Variants in PDE11A observed in about 807,000 individuals in gnomAD.
PDE11A encodes the protein dual 3',5'-cyclic-AMP and -GMP phosphodiesterase 11A.
A neutral mutation model predicts 100.5 loss-of-function variants in PDE11A; 100 were observed. The ratio of observed to expected loss-of-function variants is 1.00; its 90% CI spans 0.85 to 1.18. The LOEUF (loss-of-function observed/expected upper bound fraction) is 1.18. Ranked by LOEUF, PDE11A falls within the 50% of genes most tolerant of loss-of-function variation. The pLI is 0.00. For missense variants in PDE11A, 1,141 were observed against 1,152.6 expected, an observed-to-expected ratio of 0.99 and a Z score of 0.15; for synonymous variants, 381 against 420.8, an observed-to-expected ratio of 0.91 and a Z score of 1.16.
chr2:177,797,795 A>C (rs2082726302), intron 9 of PDE11A, among the ~76,000 whole-genome samples: 1 of 152,230 alleles, frequency 6.6e-6, no homozygotes, highest in Non-Finnish European at 1.5e-5. Context: ...AACAGAAAAT[A>C]AAATAAAAAC....
chr2:177,915,729 G>T (rs1200581953), intron 2 of PDE11A, among the ~76,000 whole-genome samples: 1 of 152,204 alleles, frequency 6.6e-6, no homozygotes, highest in Non-Finnish European at 1.5e-5. Context: ...GCAATTGCTG[G>T]ATTGCATGGT....
intron 6 of PDE11A, among the ~76,000 whole-genome samples, chr2:177,823,987 A>G (rs1407265979): frequency 1.3e-5 from 2 of 152,222 alleles, no homozygotes; most frequent in African/African-American, 4.8e-5. Flanking sequence ...AGTAAGAAAG[A>G]CAATTTAGAA....
At chr2:177,836,961 A>G (rs1264767024) in intron 6 of PDE11A, among the ~76,000 whole-genome samples, 1 of 152,146 alleles carries the variant, frequency 6.6e-6, no homozygotes, top group African/African-American at 2.4e-5. Flanking sequence ...ACTCACCACA[A>G]GGGTCCACAG....
At chr2:177,805,539 T>C (rs1414545283) in intron 9 of PDE11A, among the ~76,000 whole-genome samples, 1 of 152,124 alleles carries the variant, frequency 6.6e-6, no homozygotes, top group Non-Finnish European at 1.5e-5. Context: ...GTCAAATCAA[T>C]GAAGTAAAAG....
intron 2 of PDE11A, among the ~76,000 whole-genome samples, chr2:177,945,716 C>T (rs1284501791): frequency 7.2e-5 from 11 of 151,834 alleles, no homozygotes; most frequent in Middle Eastern, 3.2e-3. Context: ...CCACCCCGTC[C>T]GGGAGGGAGG....
intron 10 of PDE11A, among the ~76,000 whole-genome samples, chr2:177,761,316 A>G (rs77877535): frequency 0.014 from 2,130 of 152,328 alleles, 40 homozygotes; most frequent in East Asian, 0.046. Context: ...TAAAGCAAGG[A>G]TTGGGGTGAA....
chr2:178,000,019 AT>A (rs1425684224), intron 2 of PDE11A, among the ~76,000 whole-genome samples: 1 of 152,120 alleles, frequency 6.6e-6, no homozygotes, highest in African/African-American at 2.4e-5. Context: ...ACTTTTTCTC[AT>A]TTCTAAATAG....
chr2:177,911,604 C>A (rs969115715), intron 2 of PDE11A, among the ~76,000 whole-genome samples: 9 of 152,226 alleles, frequency 5.9e-5, no homozygotes, highest in African/African-American at 2.2e-4. Flanking sequence ...TGTAATGGGG[C>A]CAGGCGCGGT....
At chr2:177,875,590 C>G (rs776504712) in intron 5 of PDE11A, among the ~76,000 whole-genome samples, 6 of 151,758 alleles carry the variant, frequency 4.0e-5, no homozygotes, top group Non-Finnish European at 7.4e-5. Context: ...ACCATGTTAG[C>G]CAGGATGGTC....
intron 2 of PDE11A, among the ~76,000 whole-genome samples, chr2:177,978,639 C>A (rs111420200): frequency 0.052 from 87 of 1,684 alleles, 1 homozygote; most frequent in Middle Eastern, 0.12. Flanking sequence ...ATGTTTATTG[C>A]AGCACTATTC....
chr2:178,009,953 T>C (rs2086257168), intron 2 of PDE11A, among the ~76,000 whole-genome samples: 1 of 152,204 alleles, frequency 6.6e-6, no homozygotes, highest in African/African-American at 2.4e-5. Context: ...CCACTACTCA[T>C]GTGAATGATG....
chr2:177,993,839 A>G (rs1415565122), intron 2 of PDE11A, among the ~76,000 whole-genome samples: 1 of 152,158 alleles, frequency 6.6e-6, no homozygotes, highest in Non-Finnish European at 1.5e-5. Context: ...ATAAAGAAAA[A>G]AATTTAACAA....
intron 15 of PDE11A, among the ~76,000 whole-genome samples, chr2:177,681,199 C>A (rs1315418201): frequency 3.3e-5 from 5 of 152,168 alleles, no homozygotes; most frequent in Admixed American, 3.3e-4. Context: ...CTGTGAAGCC[C>A]TAGTGATACT....
chr2:177,955,472 G>A (rs189757304), intron 2 of PDE11A, among the ~76,000 whole-genome samples: 1 of 152,300 alleles, frequency 6.6e-6, no homozygotes, highest in African/African-American at 2.4e-5. Context: ...TAGAGGTATA[G>A]CAGTTAGGAC....
intron 15 of PDE11A, among the ~76,000 whole-genome samples, 187 bp from the exon 16 acceptor site, chr2:177,681,090 C>T (rs2080855452): frequency 6.6e-6 from 1 of 152,094 alleles, no homozygotes; most frequent in Admixed American, 6.5e-5. Flanking sequence ...GTTGAGGCTT[C>T]AAGGAAAAGC....
At chr2:177,722,351 A>G (rs2081542771) in intron 12 of PDE11A, among the ~76,000 whole-genome samples, 1 of 152,184 alleles carries the variant, frequency 6.6e-6, no homozygotes, top group African/African-American at 2.4e-5. Flanking sequence ...GGAATGACCC[A>G]TAACTCATGA....
chr2:177,655,734 GTACTGAT>G (rs1293071671), intron 19 of PDE11A, among the ~76,000 whole-genome samples: 3 of 151,978 alleles, frequency 2.0e-5, no homozygotes, highest in African/African-American at 7.3e-5. Context: ...GTTGATGTTT[GTACTGAT>G]TACTTTTAGA....
In PDE11A at chr2:177,979,800, C is replaced by T. The variant is rs547037669; in HGVS notation, c.1071+34502G>A. ...TCATTTTTTGTATTTTTAGTAGAGACGGGGTTTCACCATGTTAGCCAGGAT... is the reference window on the plus strand; with the variant it reads ...TCATTTTTTGTATTTTTAGTAGAGATGGGGTTTCACCATGTTAGCCAGGAT... On this transcript the variant is annotated intron_variant, in intron 2 of 19. Coordinates refer to ENST00000286063, the MANE Select transcript of PDE11A (RefSeq NM_016953.4). 1.1e-4 allele frequency among the ~76,000 whole-genome samples: 16 copies of T among 149,110 alleles called. No individual in the cohort carries two copies. In the East Asian group the frequency reaches 2.5e-3, roughly 24 times the overall value.
chr2:177,867,184 C>T (rs2365892), intron 5 of PDE11A, among the ~76,000 whole-genome samples: 15,847 of 152,124 alleles, frequency 0.1, 1,127 homozygotes, highest in Non-Finnish European at 0.15. Context: ...CTAAGGGACA[C>T]ACAATAAAGT....
Sources: gnomAD v4.1 joint callset for allele counts (sites outside exome capture counted in the v4.1 genomes callset) on GRCh38, gnomAD v4.1.1 for gene constraint, MANE v1.5 for transcripts, NCBI Gene and HGNC (gene_info 2026-07-23, HGNC 2026-07-21) for gene names.